Variants in RBM47 observed in about 807,000 individuals in gnomAD.
RBM47 encodes the protein RNA-binding protein 47.
In RBM47, 21 loss-of-function variants were observed where a neutral mutation model predicts 47.1. That is an observed-to-expected ratio of 0.45 (90% CI 0.32 to 0.64). The LOEUF is 0.64. RBM47 is among the 30% of genes least tolerant of loss of function. The pLI is 0.05. For synonymous variants in RBM47, 375 were observed against 361.7 expected, an observed-to-expected ratio of 1.04 and a Z score of -0.42; for missense variants, 708 against 870.9, an observed-to-expected ratio of 0.81 and a Z score of 2.35.
At position 40,423,493 on chromosome 4, in the gene RBM47, C is replaced by T. The variant is rs1294249531; in HGVS notation, c.*2411G>A. The T allele has an allele frequency of 1.3e-5, 2 of 151,174 alleles. No homozygotes were observed. The highest frequency in any genetic ancestry group is 2.9e-5 in the Non-Finnish European group (2 of 67,872). The allele number at this position is 151,174 out of a possible 1,614,324, so 9.4% of individuals were successfully genotyped here. ...AAAAGTTCACATTTCAAGTTATAAA[C>T]TTACCTCAGTAGTGTACATGAAATG... On this transcript the variant is annotated 3_prime_UTR_variant, in exon 7 of 7. Transcript: ENST00000295971.
Position 40,437,843 on chromosome 4 carries a change from G to A in RBM47, c.1051C>T (p.Pro351Ser). The change falls in exon 4 of 7, where the codon CCC becomes TCC. Residue 351 changes from proline (P) to serine (S), a missense_variant. Coordinates refer to ENST00000295971, the MANE Select transcript of RBM47 (RefSeq NM_001098634.2). The stretch of plus-strand genomic sequence containing the variant: ...TAGCCGTAGTAGGCCAGTGTGTAGG[G>A]GTCGCAGGAGTACACGTAGCTGGGC... The part of the protein sequence containing the change: ...QQPSYVYSCD[P>S]YTLAYYGYPY... 6.2e-7 allele frequency: 1 copy of A among 1,614,094 alleles called. No individual in the cohort carries two copies.
chr4:40,436,002 CAAAAAAAAAA>C (rs11452583), intron 5 of RBM47, among the ~76,000 whole-genome samples: 6 of 111,370 alleles, frequency 5.4e-5, no homozygotes, highest in African/African-American at 2.1e-4. Context: ...ACTAAAAATA[CAAAAAAAAAA>C]AAAAAAAAAA....
intron 1 of RBM47, among the ~76,000 whole-genome samples, chr4:40,561,645 G>C (rs1730645897): frequency 6.6e-6 from 1 of 151,052 alleles, no homozygotes; most frequent in Admixed American, 6.6e-5. Flanking sequence ...CACCTCCTGG[G>C]CTCAGGTGAT....
In RBM47 at chr4:40,576,264, G is replaced by GGGA. The variant is rs1553903914; in HGVS notation, c.-239-31759_-239-31758insTCC. On this transcript the variant is annotated intron_variant, in intron 1 of 6. Coordinates refer to ENST00000295971, the MANE Select transcript of RBM47 (RefSeq NM_001098634.2). ...TGTTTTTTTTTTTTTTTTGGGGGGG[G>GGGA]GCGGAGACAGGGTCTCCCCCTGTCA... Among the ~76,000 whole-genome samples, 500 of 135,848 alleles carry GGGA rather than the reference G, an allele frequency of 3.7e-3. 9 individuals carry two copies. The highest frequency in any genetic ancestry group is 0.013 in the African/African-American group (470 of 36,072). 89.1% of individuals were successfully genotyped at this position (135,848 alleles called of 152,430 possible).
At chr4:40,540,799 G>GT (rs1198135248) in intron 2 of RBM47, among the ~76,000 whole-genome samples, 1 of 148,208 alleles carries the variant, frequency 6.7e-6, no homozygotes, top group Admixed American at 6.7e-5. Flanking sequence ...TATTTATTTG[G>GT]TTTTTTTAAT....
intron 1 of RBM47, among the ~76,000 whole-genome samples, chr4:40,568,465 C>A (rs987411289): frequency 3.5e-5 from 5 of 140,864 alleles, no homozygotes; most frequent in East Asian, 2.1e-4. Flanking sequence ...AGGGTGGTCT[C>A]TATCATATTC....
intron 1 of RBM47, among the ~76,000 whole-genome samples, chr4:40,553,235 C>T (rs550528784): frequency 6.6e-6 from 1 of 151,852 alleles, no homozygotes; most frequent in East Asian, 1.9e-4. Context: ...CTTCCTCTTC[C>T]CTATCTTTAT....
At chr4:40,430,924 A>G (rs1330849934) in intron 6 of RBM47, among the ~76,000 whole-genome samples, 1 of 152,134 alleles carries the variant, frequency 6.6e-6, no homozygotes, top group Non-Finnish European at 1.5e-5. Context: ...TTGTCCCTAC[A>G]AATAAAAAAG....
chr4:40,596,837 G>A (rs996968148), intron 1 of RBM47, among the ~76,000 whole-genome samples: 6 of 152,156 alleles, frequency 3.9e-5, no homozygotes, highest in East Asian at 1.9e-4. Context: ...TGAGGGGCAC[G>A]AGGGGCTTCA....
At position 40,595,320 on chromosome 4, in the gene RBM47, C is replaced by T. The variant is rs182887803; in HGVS notation, c.-240+34076G>A. On this transcript the variant is annotated intron_variant, in intron 1 of 6. Transcript: ENST00000295971. ...GACCAGCCTGACCAACAAGGTGAAA[C>T]CCATCTCTACCAAAAATACAAAAAT... Among the ~76,000 whole-genome samples, 24 of 151,842 alleles carry T rather than the reference C, an allele frequency of 1.6e-4. No homozygotes were observed. The East Asian group carries it at 4.7e-3, about 30-fold the overall frequency.
rs570311583 is a variant in RBM47, at chr4:40,510,609, T to TGA, written c.-155+33811_-155+33812dup. On this transcript the variant is annotated intron_variant, in intron 2 of 6. Coordinates refer to ENST00000295971, the MANE Select transcript of RBM47 (RefSeq NM_001098634.2). Reference sequence around the variant, plus strand: ...GAGGTGACATTCAAGAACTGTGAGATGAGACCCTATCCCAGAGTGAGCCAT... The same window carrying TGA: ...GAGGTGACATTCAAGAACTGTGAGATGAGAGACCCTATCCCAGAGTGAGCCAT... 2.7e-4 allele frequency among the ~76,000 whole-genome samples: 41 copies of TGA among 152,250 alleles called. No individual in the cohort carries two copies. In the South Asian group the frequency reaches 7.9e-3, roughly 29 times the overall value.
chr4:40,553,524 T>C (rs1729780974), intron 1 of RBM47, among the ~76,000 whole-genome samples: 2 of 152,168 alleles, frequency 1.3e-5, no homozygotes, highest in South Asian at 2.1e-4. Flanking sequence ...CTTGAACTCC[T>C]GACCTCAGGT....
At chr4:40,512,634 G>T (rs1274587160) in intron 2 of RBM47, among the ~76,000 whole-genome samples, 1 of 147,222 alleles carries the variant, frequency 6.8e-6, no homozygotes, top group Admixed American at 6.9e-5. Context: ...AGAATCACTT[G>T]AACCCCGGAG....
intron 1 of RBM47, among the ~76,000 whole-genome samples, chr4:40,584,661 T>TCA (rs1284626921): frequency 1.3e-5 from 2 of 151,990 alleles, no homozygotes; most frequent in African/African-American, 4.8e-5. Flanking sequence ...AAAGTAGATC[T>TCA]CACACACACA....
At chr4:40,472,297 G>C (rs538613941) in intron 2 of RBM47, among the ~76,000 whole-genome samples, 1 of 151,778 alleles carries the variant, frequency 6.6e-6, no homozygotes, top group Admixed American at 6.6e-5. Flanking sequence ...GTTTTTTGTC[G>C]GGTGCGGTGG....
intron 2 of RBM47, among the ~76,000 whole-genome samples, chr4:40,538,642 G>A (rs1285398169): frequency 6.7e-6 from 1 of 148,624 alleles, no homozygotes; most frequent in Non-Finnish European, 1.5e-5. Flanking sequence ...TTTTTTGTTT[G>A]TTTGTTTGTT....
intron 2 of RBM47, among the ~76,000 whole-genome samples, chr4:40,527,922 T>A (rs1396938543): frequency 2.0e-5 from 3 of 152,132 alleles, no homozygotes. Flanking sequence ...CTAAGTCACA[T>A]GTTAGTTTGC....
At chr4:40,430,189 C>T (rs1715734886) in intron 6 of RBM47, among the ~76,000 whole-genome samples, 1 of 149,854 alleles carries the variant, frequency 6.7e-6, no homozygotes, top group South Asian at 2.1e-4. Context: ...AGCGAGACAC[C>T]GTCGCAAAAA....
intron 2 of RBM47, among the ~76,000 whole-genome samples, chr4:40,517,909 T>C (rs953778609): frequency 4.6e-5 from 7 of 152,128 alleles, no homozygotes; most frequent in Non-Finnish European, 8.8e-5. Flanking sequence ...ATGCAAATAC[T>C]GCACCATTTT....
Sources: gnomAD v4.1 joint callset for allele counts (sites outside exome capture counted in the v4.1 genomes callset) on GRCh38, gnomAD v4.1.1 for gene constraint, MANE v1.5 for transcripts, NCBI Gene and HGNC (gene_info 2026-07-23, HGNC 2026-07-21) for gene names.